The following ARHGAP21 variants were observed in gnomAD, a reference collection of about 807,000 sequenced individuals.
The protein encoded by ARHGAP21 is rho GTPase-activating protein 21.
ARHGAP21 carries 38 observed loss-of-function variants against 164.6 expected under a neutral mutation model. That is an observed-to-expected ratio of 0.23 (90% CI 0.18 to 0.30). The LOEUF (loss-of-function observed/expected upper bound fraction) is 0.30. Ranked by LOEUF, ARHGAP21 falls within the 10% of genes least tolerant of loss-of-function variation. The probability of loss-of-function intolerance (pLI) is 1.00; values close to 1 mark genes in which losing one functional copy is unlikely to be tolerated. For missense variants in ARHGAP21, 1,822 were observed against 2,370.7 expected (o/e 0.77, Z 4.81); for synonymous variants, 766 against 857.9 (o/e 0.89, Z 1.87).
chr10:24,656,400 G>GC lies in ARHGAP21; in HGVS notation c.268+10584dup, dbSNP rs1208375668. Among the ~76,000 whole-genome samples, 116 of 92,040 alleles carry GC rather than the reference G, an allele frequency of 1.3e-3. 1 individual carries two copies. Among genetic ancestry groups the GC allele is most frequent in the African/African-American group, 5.4e-3 (113 of 20,934 alleles). The allele number at this position is 92,040 out of a possible 152,430, so 60.4% of individuals were successfully genotyped here. On this transcript the variant is annotated intron_variant, in intron 4 of 25. Transcript: ENST00000396432. ...GTCCGGGAGGGAGGTGGGGGGGTCAGCCCTCCGCCCGGCCAGCCGCCCCGT... is the reference window on the plus strand; with the variant it reads ...GTCCGGGAGGGAGGTGGGGGGGTCAGCCCCTCCGCCCGGCCAGCCGCCCCGT...
intron 3 of ARHGAP21, among the ~76,000 whole-genome samples, chr10:24,668,822 A>G (rs1338892719): frequency 2.0e-5 from 3 of 152,172 alleles, no homozygotes; most frequent in Non-Finnish European, 4.4e-5. Flanking sequence ...CAATAATAAT[A>G]ATACATGTTT....
At chr10:24,693,943 G>A (rs917466646) in intron 2 of ARHGAP21, among the ~76,000 whole-genome samples, 2 of 151,932 alleles carry the variant, frequency 1.3e-5, no homozygotes, top group African/African-American at 4.8e-5. Flanking sequence ...TAATCTTCAG[G>A]AACACAGACA....
chr10:24,629,441 A>C (rs909334572), intron 7 of ARHGAP21: 1 of 152,348 alleles, frequency 6.6e-6, no homozygotes, highest in Admixed American at 6.5e-5. Context: ...TCAAGACCAT[A>C]ACATATTTTC....
intron 2 of ARHGAP21, among the ~76,000 whole-genome samples, chr10:24,720,318 TTAAAG>T (rs1035804829): frequency 1.3e-5 from 2 of 150,596 alleles, no homozygotes; most frequent in African/African-American, 4.9e-5. Flanking sequence ...ACAATGCTAA[TTAAAG>T]TATTCACAAG....
At position 24,602,123 on chromosome 10, in the gene ARHGAP21, A is replaced by C. The variant is rs1297275707; in HGVS notation, c.2722-20T>G. 1.3e-6 allele frequency: 2 copies of C among 1,599,908 alleles called. No individual in the cohort carries two copies. Among genetic ancestry groups the C allele is most frequent in the Non-Finnish European group, 1.7e-6 (2 of 1,174,882 alleles). On this transcript the variant is annotated intron_variant, in intron 12 of 25. Transcript: ENST00000396432. ...TGCGATCTATAGAAAAGACCAAGAAAACAGTAAAATGTCAGCATTTTCCTT... is the reference window on the plus strand; with the variant it reads ...TGCGATCTATAGAAAAGACCAAGAACACAGTAAAATGTCAGCATTTTCCTT...
intron 4 of ARHGAP21, among the ~76,000 whole-genome samples, chr10:24,636,332 T>C (rs1258933777): frequency 6.6e-6 from 1 of 152,170 alleles, no homozygotes; most frequent in Non-Finnish European, 1.5e-5. Flanking sequence ...GCAGCATCAG[T>C]ATCACCTGGG....
At chr10:24,649,781 GA>G (rs1269212677) in intron 4 of ARHGAP21, among the ~76,000 whole-genome samples, 1 of 150,134 alleles carries the variant, frequency 6.7e-6, no homozygotes, top group Non-Finnish European at 1.5e-5. Flanking sequence ...ACAAACAAGA[GA>G]AACAGATTCA....
chr10:24,629,713 T>C (rs1457845618), intron 7 of ARHGAP21: 2 of 416,590 alleles, frequency 4.8e-6, no homozygotes, highest in Admixed American at 7.9e-5. Context: ...AAGGATGAAC[T>C]AGAAGGCAAC....
At chr10:24,635,820 C>T (rs1836327925) in intron 4 of ARHGAP21, among the ~76,000 whole-genome samples, 1 of 152,250 alleles carries the variant, frequency 6.6e-6, no homozygotes, top group African/African-American at 2.4e-5. Context: ...GCTGGGATTA[C>T]AGGCGTGAGC....
intron 3 of ARHGAP21, among the ~76,000 whole-genome samples, chr10:24,667,245 T>C (rs559035949): frequency 6.6e-6 from 1 of 152,294 alleles, no homozygotes; most frequent in Non-Finnish European, 1.5e-5. Flanking sequence ...AAGATAGAGT[T>C]TTCACAAATA....
intron 2 of ARHGAP21, among the ~76,000 whole-genome samples, chr10:24,688,765 T>TA (rs1439831084): frequency 6.6e-6 from 1 of 152,152 alleles, no homozygotes; most frequent in East Asian, 1.9e-4. Flanking sequence ...ACACAGGAGT[T>TA]AAGCTCCGTC....
intron 2 of ARHGAP21, among the ~76,000 whole-genome samples, chr10:24,714,671 TAG>T (rs1262484850): frequency 6.6e-6 from 1 of 152,168 alleles, no homozygotes; most frequent in African/African-American, 2.4e-5. Context: ...AATTAAATAA[TAG>T]AGTTATACCA....
chr10:24,597,784 C>T (rs920061387), intron 15 of ARHGAP21, among the ~76,000 whole-genome samples, 161 bp downstream of exon 15: 1 of 152,132 alleles, frequency 6.6e-6, no homozygotes, highest in Non-Finnish European at 1.5e-5. Flanking sequence ...ATACACTACC[C>T]GCCCATTACT....
intron 4 of ARHGAP21, among the ~76,000 whole-genome samples, chr10:24,646,031 A>C (rs557860593): frequency 5.3e-5 from 8 of 152,328 alleles, no homozygotes; most frequent in Non-Finnish European, 1.0e-4. Flanking sequence ...TGAGTGGCTC[A>C]CAGGACTGAC....
chr10:24,633,567 T>C (rs374657028), intron 5 of ARHGAP21, 87 bp from the exon 6 acceptor site: 4 of 783,012 alleles, frequency 5.1e-6, no homozygotes, highest in Non-Finnish European at 8.2e-6. Flanking sequence ...ATAATGTCCT[T>C]ATTTTTAATG....
chr10:24,637,544 A>C (rs999222307), intron 4 of ARHGAP21, among the ~76,000 whole-genome samples: 13 of 152,230 alleles, frequency 8.5e-5, no homozygotes, highest in Non-Finnish European at 1.5e-4. Flanking sequence ...TTAAAAATAC[A>C]AAATGTAAAT....
chr10:24,596,908 CAACAT>C (rs1196563937), intron 16 of ARHGAP21, 26 bp from the exon 17 acceptor site: 2 of 1,582,052 alleles, frequency 1.3e-6, no homozygotes, highest in East Asian at 2.3e-5. Context: ...CAAAATAAAA[CAACAT>C]AATAAAATGG....
chr10:24,619,564 T>A lies in ARHGAP21; in HGVS notation c.2331A>T (p.Ala777=), dbSNP rs976915240. The change falls in exon 9 of 26, where the codon GCA becomes GCT. Residue 777 remains alanine (A), a synonymous_variant. Transcript: ENST00000396432. ...TTCTTTTTATGTGGACCTCTCGACG[T>A]GCATCATTGGGCAGCCAGCAGGTAG... ...SDTTCWLPND[A]RREVHIKRME... is the part of the protein sequence containing the mutation. 6.2e-7 allele frequency: 1 copy of A among 1,614,182 alleles called. No homozygotes were observed. Among genetic ancestry groups the A allele is most frequent in the Non-Finnish European group, 8.5e-7 (1 of 1,180,044 alleles).
intron 4 of ARHGAP21, among the ~76,000 whole-genome samples, chr10:24,641,578 G>C (rs1837024129): frequency 6.6e-6 from 1 of 152,154 alleles, no homozygotes; most frequent in African/African-American, 2.4e-5. Context: ...TACTCAACCT[G>C]ATCTTCAAGT....
Sources: allele counts gnomAD v4.1 joint callset (sites outside exome capture counted in the v4.1 genomes callset), GRCh38; gene constraint gnomAD v4.1.1; transcripts MANE v1.5; gene names NCBI Gene and HGNC (gene_info 2026-07-23, HGNC 2026-07-21).